Variants in SLN observed in about 807,000 individuals in gnomAD.
The protein encoded by SLN is sarcolipin.
For missense variants in SLN, 34 were observed against 37.4 expected (o/e 0.91, Z 0.24); for synonymous variants, 19 against 14.4 (o/e 1.32, Z -0.72).
rs1021783376 is a variant in SLN at position 107,707,711 on chromosome 11, G to T, written c.*124C>A. 1.1e-5 allele frequency: 8 copies of T among 695,880 alleles called. No homozygotes were observed. The highest frequency in any genetic ancestry group is 7.9e-4 in the Middle Eastern group (2 of 2,538). 43.1% of individuals were successfully genotyped at this position (695,880 alleles called of 1,614,324 possible). On this transcript the variant is annotated 3_prime_UTR_variant, in exon 2 of 2. Transcript: ENST00000305991. Reference sequence around the variant, plus strand: ...CTACAGCATAGCAGATATTGTGAGTGCAGGTCACAGGTGCCCTCGGATGGA... The same window carrying T: ...CTACAGCATAGCAGATATTGTGAGTTCAGGTCACAGGTGCCCTCGGATGGA...
chr11:107,709,214 G>C (rs369215219), intron 1 of SLN, among the ~76,000 whole-genome samples: 2 of 152,208 alleles, frequency 1.3e-5, no homozygotes, highest in South Asian at 2.1e-4. Context: ...TCTTCAGTGA[G>C]ATGGTGTAAA....
chr11:107,711,318 C>T (rs546008390), intron 1 of SLN, among the ~76,000 whole-genome samples: 19 of 152,120 alleles, frequency 1.2e-4, no homozygotes, highest in Middle Eastern at 3.4e-3. Context: ...CTTACTACTT[C>T]TTGCACTTTA....
chr11:107,711,270 G>A (rs989269360), intron 1 of SLN, among the ~76,000 whole-genome samples: 2 of 151,956 alleles, frequency 1.3e-5, no homozygotes, highest in African/African-American at 4.8e-5. Context: ...GAATTAGCAG[G>A]CTACCCATCA....
intron 1 of SLN, among the ~76,000 whole-genome samples, chr11:107,709,228 C>A (rs1867186037): frequency 6.6e-6 from 1 of 152,152 alleles, no homozygotes. Context: ...GTGTAAATTG[C>A]ACATTATTTA....
At chr11:107,711,264 T>C (rs1167660022) in intron 1 of SLN, among the ~76,000 whole-genome samples, 2 of 152,166 alleles carry the variant, frequency 1.3e-5, no homozygotes, top group Admixed American at 6.6e-5. Context: ...ATTTCTGAAT[T>C]AGCAGGCTAC....
At chr11:107,710,036 A>T (rs1867196368) in intron 1 of SLN, among the ~76,000 whole-genome samples, 1 of 152,260 alleles carries the variant, frequency 6.6e-6, no homozygotes, top group Admixed American at 6.5e-5. Context: ...AAATGAATGG[A>T]TCAAGGAAAA....
At chr11:107,709,206 T>C (rs1329071427) in intron 1 of SLN, among the ~76,000 whole-genome samples, 1 of 152,242 alleles carries the variant, frequency 6.6e-6, no homozygotes, top group East Asian at 1.9e-4. Context: ...AACTATTGTC[T>C]TCAGTGAGAT....
Position 107,707,796 on chromosome 11 carries a change from G to T in SLN, c.*39C>A. The T allele has an allele frequency of 6.7e-7, 1 of 1,482,536 alleles. No homozygotes were observed. Among genetic ancestry groups the T allele is most frequent in the Non-Finnish European group, 9.4e-7 (1 of 1,061,458 alleles). 91.8% of individuals were successfully genotyped at this position (1,482,536 alleles called of 1,614,324 possible). A position where few individuals can be genotyped will look rare whatever the true frequency, so the allele number is the denominator to read the frequency against. On this transcript the variant is annotated 3_prime_UTR_variant, in exon 2 of 2. Coordinates refer to ENST00000305991, the MANE Select transcript of SLN (RefSeq NM_003063.3). ...CTCAGGGCATAGAGCAGGCAGCTCC[G>T]GAGCATCTCAGTCAATCCCAGGACC...
chr11:107,710,614 G>A (rs544040875), intron 1 of SLN, among the ~76,000 whole-genome samples: 283 of 152,308 alleles, frequency 1.9e-3, no homozygotes, highest in Middle Eastern at 3.4e-3. Flanking sequence ...AATTGTCACT[G>A]CAATTAACTG....
chr11:107,708,480 C>T, intron 1 of SLN, among the ~76,000 whole-genome samples: 1 of 152,138 alleles, frequency 6.6e-6, no homozygotes, highest in Non-Finnish European at 1.5e-5. Flanking sequence ...AGATTTTGGA[C>T]TTGCCAGTCT....
In SLN at chr11:107,707,702, A is replaced by G. The variant is rs1436601302; in HGVS notation, c.*133T>C. 1.0e-5 allele frequency: 7 copies of G among 669,048 alleles called. No homozygotes were observed. Among genetic ancestry groups the G allele is most frequent in the Non-Finnish European group, 1.9e-5 (7 of 369,976 alleles). The allele number at this position is 669,048 out of a possible 1,614,324, so 41.4% of individuals were successfully genotyped here. A position where few individuals can be genotyped will look rare whatever the true frequency, so the allele number is the denominator to read the frequency against. On this transcript the variant is annotated 3_prime_UTR_variant, in exon 2 of 2. Coordinates refer to ENST00000305991, the MANE Select transcript of SLN (RefSeq NM_003063.3). Reference sequence around the variant, plus strand: ...ATCCTAGCACTACAGCATAGCAGATATTGTGAGTGCAGGTCACAGGTGCCC... The same window carrying G: ...ATCCTAGCACTACAGCATAGCAGATGTTGTGAGTGCAGGTCACAGGTGCCC...
In SLN at chr11:107,709,978, T is replaced by C. The variant is rs189222643; in HGVS notation, c.-75-1973A>G. Among the ~76,000 whole-genome samples, 5 of 151,966 alleles carry C rather than the reference T, an allele frequency of 3.3e-5. No individual in the cohort carries two copies. In the East Asian group the frequency reaches 9.7e-4, roughly 29 times the overall value. ...CCAAGAAAATAAAAAGGGGAAAAAA[T>C]AGAAAATCTTTACAAAGATTTGCAT... On this transcript the variant is annotated intron_variant, in intron 1 of 1. Coordinates refer to ENST00000305991, the MANE Select transcript of SLN (RefSeq NM_003063.3).
At chr11:107,710,580 T>C (rs1051599438) in intron 1 of SLN, among the ~76,000 whole-genome samples, 1 of 152,342 alleles carries the variant, frequency 6.6e-6, no homozygotes, top group East Asian at 1.9e-4. Context: ...GTTACTAGAA[T>C]TCCTAGGAGT....
At chr11:107,711,842 A>G (rs1249271848) in intron 1 of SLN, 121 bp downstream of exon 1, 1 of 152,242 alleles carries the variant, frequency 6.6e-6, no homozygotes, top group Non-Finnish European at 1.5e-5. Context: ...ATCTTAAGGC[A>G]TGCTGTATCC....
intron 1 of SLN, among the ~76,000 whole-genome samples, chr11:107,709,524 A>C (rs80269515): frequency 0.017 from 2,556 of 152,292 alleles, 60 homozygotes; most frequent in African/African-American, 0.057. Context: ...CAACTGAATG[A>C]TCATTTTTCA....
chr11:107,709,604 T>A (rs1000037969), intron 1 of SLN, among the ~76,000 whole-genome samples: 1 of 152,286 alleles, frequency 6.6e-6, no homozygotes, highest in East Asian at 1.9e-4. Context: ...CCTAGCTAAT[T>A]GGGAAGCTGA....
chr11:107,708,837 A>G (rs1056315335), intron 1 of SLN, among the ~76,000 whole-genome samples: 1 of 152,220 alleles, frequency 6.6e-6, no homozygotes, highest in Non-Finnish European at 1.5e-5. Context: ...TGAATTACAT[A>G]GATAAGTGGG....
chr11:107,711,716 A>T (rs1295710892), intron 1 of SLN, among the ~76,000 whole-genome samples: 1 of 152,186 alleles, frequency 6.6e-6, no homozygotes, highest in Non-Finnish European at 1.5e-5. Flanking sequence ...GATAGAAAAA[A>T]GACCATCTTC....
rs375547331 is a variant in SLN at position 107,707,878 on chromosome 11, G to A, written c.53C>T (p.Thr18Met). Residue 18 changes from threonine to methionine, a missense_variant, in exon 2 of 2, where the codon ACG becomes ATG. By Grantham distance (81) the Thr-to-Met change is moderately conservative. Transcript: ENST00000305991. ...LFLNFTIVLI[T>M]VILMWLLVRS... ...CACAAGGAGCCACATAAGAATAACC[G>A]TAATCAAGACAATAGTGAAGTTGAG... 1.5e-5 allele frequency: 25 copies of A among 1,613,952 alleles called. 1 individual carries two copies. The highest frequency in any genetic ancestry group is 3.3e-4 in the Middle Eastern group (2 of 6,050).
Sources: gnomAD v4.1 joint callset for allele counts (sites outside exome capture counted in the v4.1 genomes callset) on GRCh38, gnomAD v4.1.1 for gene constraint, MANE v1.5 for transcripts, NCBI Gene and HGNC (gene_info 2026-07-23, HGNC 2026-07-21) for gene names.